DDB1: variants seen among roughly 807,000 people sequenced by gnomAD.
The protein encoded by DDB1 is DNA damage-binding protein 1.
In DDB1, 18 loss-of-function variants were observed where a neutral mutation model predicts 133.1. The ratio of observed to expected loss-of-function variants is 0.14; its 90% CI spans 0.09 to 0.20. The LOEUF is 0.20. DDB1 is among the 10% of genes least tolerant of loss of function. The pLI, the probability that DDB1 is intolerant of heterozygous loss-of-function variation, is 1.00. For missense variants in DDB1, 828 were observed against 1,459.2 expected (o/e 0.57, Z 7.05); for synonymous variants, 580 against 550.5 (o/e 1.05, Z -0.75).
At position 61,313,592 on chromosome 11, in the gene DDB1, A is replaced by G. The variant is rs1300915817; in HGVS notation, c.1976T>C (p.Ile659Thr). The change falls in exon 16 of 27, where the codon ATC becomes ACC. Residue 659 changes from isoleucine to threonine, a missense_variant. This residue lies in a region of DDB1 where 396 missense variants were observed against 554.1 expected (regional missense o/e 0.71). Coordinates refer to ENST00000301764, the MANE Select transcript of DDB1 (RefSeq NM_001923.5). ...VFACSDRPTV[I>T]YSSNHKLVFS... The stretch of plus-strand genomic sequence containing the variant: ...GACCAATTTGTGGTTGCTGCTATAG[A>G]TGACAGTGGGGCGGTCAGAACAAGC... 2 of 1,614,082 alleles carry G rather than the reference A, an allele frequency of 1.2e-6. No homozygotes were observed. The highest frequency in any genetic ancestry group is 1.3e-5 in the African/African-American group (1 of 74,924).
chr11:61,305,928 T>C (rs1326172166), intron 21 of DDB1, among the ~76,000 whole-genome samples: 1 of 152,224 alleles, frequency 6.6e-6, no homozygotes, highest in Non-Finnish European at 1.5e-5. Context: ...AACTGTAAAA[T>C]ATCTTAATAA....
At chr11:61,314,265 G>C (rs758928641) in intron 13 of DDB1, 43 bp downstream of exon 13, 2 of 1,594,326 alleles carry the variant, frequency 1.3e-6, no homozygotes, top group Admixed American at 3.5e-5. Flanking sequence ...AGAAGTCCTA[G>C]AGAAAAGAGG....
At chr11:61,323,368 C>G (rs554938363) in intron 7 of DDB1, 2 of 404,440 alleles carry the variant, frequency 4.9e-6, no homozygotes, top group African/African-American at 4.0e-5. Flanking sequence ...TAATATTAAA[C>G]TTTTTGGGAG....
intron 6 of DDB1, among the ~76,000 whole-genome samples, chr11:61,324,911 G>A (rs1856245264): frequency 6.6e-6 from 1 of 152,182 alleles, no homozygotes; most frequent in African/African-American, 2.4e-5. Flanking sequence ...CACTTTGGGA[G>A]GCTGAGGCGG....
At chr11:61,310,196 C>T (rs2134904663) in intron 19 of DDB1, 99 bp downstream of exon 19, 1 of 1,512,144 alleles carries the variant, frequency 6.6e-7, no homozygotes, top group Non-Finnish European at 8.9e-7. Context: ...CCTCCTAGGA[C>T]AGTCTGCCAC....
intron 25 of DDB1, chr11:61,301,196 T>C (rs1855787310): frequency 5.1e-6 from 2 of 393,940 alleles, no homozygotes; most frequent in East Asian, 5.7e-5. Flanking sequence ...AGCCCGTATA[T>C]GTATGGAAGT....
intron 7 of DDB1, 48 bp downstream of exon 7, chr11:61,323,931 T>G: frequency 3.1e-6 from 5 of 1,608,690 alleles, no homozygotes; most frequent in Non-Finnish European, 4.3e-6. Context: ...TTGGTGTCTT[T>G]AGGAACCTAA....
intron 26 of DDB1, among the ~76,000 whole-genome samples, 155 bp downstream of exon 26, chr11:61,300,652 CTT>C (rs527587491): frequency 6.6e-6 from 1 of 152,372 alleles, no homozygotes; most frequent in East Asian, 1.9e-4. Flanking sequence ...ACAAACATCT[CTT>C]TTCCCTCAGA....
chr11:61,317,749 G>A (rs1270573080), intron 10 of DDB1, among the ~76,000 whole-genome samples: 1 of 152,120 alleles, frequency 6.6e-6, no homozygotes, highest in African/African-American at 2.4e-5. Flanking sequence ...CTCATGATCT[G>A]CCCACTCGGT....
In DDB1 at chr11:61,310,370, C is replaced by G; in HGVS notation, c.2326G>C (p.Ala776Pro). The G allele has an allele frequency of 6.2e-7, 1 of 1,613,262 alleles. No individual in the cohort carries two copies. The highest frequency in any genetic ancestry group is 1.3e-5 in the African/African-American group (1 of 75,034). The change falls in exon 19 of 27, where the codon GCT (alanine) becomes CCT (proline). Residue 776 changes from alanine to proline, a missense_variant. Around this residue, in one of 7 missense-constraint regions of DDB1, gnomAD observed 396 missense variants for 554.1 expected, o/e 0.71. Coordinates refer to ENST00000301764, the MANE Select transcript of DDB1 (RefSeq NM_001923.5). Reference protein sequence around the residue: ...SSSKLFSSSTAPHETSFGEEV... With the variant: ...SSSKLFSSSTPPHETSFGEEV... ...TCTCCAAAGGAGGTCTCATGAGGAG[C>G]AGTGCTGCTGGAGAACAGCTTGCTG...
intron 16 of DDB1, 145 bp downstream of exon 16, chr11:61,313,354 A>G: frequency 1.4e-6 from 1 of 712,824 alleles, no homozygotes; most frequent in Non-Finnish European, 2.2e-6. Flanking sequence ...TCTATTGGGT[A>G]GCCAGTTTTG....
chr11:61,313,415 A>C, intron 16 of DDB1, 84 bp downstream of exon 16: 4 of 1,279,762 alleles, frequency 3.1e-6, no homozygotes, highest in Non-Finnish European at 4.4e-6. Context: ...GACACCGGAA[A>C]AAGGCTTTGA....
In DDB1 at chr11:61,329,204, G is replaced by C. The variant is rs769595832; in HGVS notation, c.549+159C>G. On this transcript the variant is annotated intron_variant, in intron 4 of 26. Transcript: ENST00000301764. The stretch of plus-strand genomic sequence containing the variant: ...AGTACTACTGCACTCAAGAAGCAAC[G>C]AAAGTCTGACCCATATTAATTGTGT... 9.0e-6 allele frequency: 6 copies of C among 670,244 alleles called. No homozygotes were observed. The African/African-American group carries it at 1.1e-4, about 12-fold the overall frequency. The allele number at this position is 670,244 out of a possible 1,614,324, so 41.5% of individuals were successfully genotyped here.
chr11:61,306,310 C>T (rs1855882331), intron 21 of DDB1, among the ~76,000 whole-genome samples: 1 of 152,158 alleles, frequency 6.6e-6, no homozygotes, highest in South Asian at 2.1e-4. Context: ...CTTCCACTGT[C>T]CCTCATAGCA....
chr11:61,303,848 C>T lies in DDB1; in HGVS notation c.2832+17G>A, dbSNP rs758524775. ...GCTCAAGCAAGAAGTCTGCTCGCAT[C>T]CCCCCACCAGCATCACCTCTTCAAA... On this transcript the variant is annotated intron_variant, in intron 22 of 26. Coordinates refer to ENST00000301764, the MANE Select transcript of DDB1 (RefSeq NM_001923.5). The T allele has an allele frequency of 8.1e-6, 13 of 1,612,460 alleles. No homozygotes were observed. The East Asian group carries it at 2.9e-4, about 36-fold the overall frequency.
chr11:61,321,775 C>T (rs968311968), intron 9 of DDB1, 78 bp from the exon 10 acceptor site: 9 of 1,251,472 alleles, frequency 7.2e-6, no homozygotes, highest in South Asian at 2.4e-5. Context: ...AAAGTAAACA[C>T]GGTATACCTA....
chr11:61,303,700 C>CAA (rs59840297), intron 22 of DDB1, among the ~76,000 whole-genome samples, 165 bp downstream of exon 22: 4,246 of 43,616 alleles, frequency 0.097, 659 homozygotes, highest in African/African-American at 0.27. Context: ...GACTGCGTCT[C>CAA]AAAAAAAAAA....
At chr11:61,327,277 C>T (rs1291460987) in intron 4 of DDB1, among the ~76,000 whole-genome samples, 1 of 152,110 alleles carries the variant, frequency 6.6e-6, no homozygotes, top group Admixed American at 6.5e-5. Flanking sequence ...CAAGACCAGC[C>T]TAGCCAACAC....
In DDB1 at chr11:61,302,271, C is replaced by T; in HGVS notation, c.3201G>A (p.Lys1067=). Residue 1067 remains lysine, a synonymous_variant, in exon 25 of 27, where the codon AAG becomes AAA. Coordinates refer to ENST00000301764, the MANE Select transcript of DDB1 (RefSeq NM_001923.5). ...RLNKVIKSVG[K]IEHSFWRSFH... is the part of the protein sequence containing the mutation. ...GGGAAGGATATAAGGAGTGCTCGAT[C>T]TTCCCCACACTTTTGATGACTTTAT... is the stretch of plus-strand genomic sequence containing the variant. 1 of 1,614,202 alleles carries T rather than the reference C, an allele frequency of 6.2e-7. No homozygotes were observed. The highest frequency in any genetic ancestry group is 8.5e-7 in the Non-Finnish European group (1 of 1,180,030).
Sources: gnomAD v4.1 joint callset for allele counts (sites outside exome capture counted in the v4.1 genomes callset) on GRCh38, gnomAD v4.1.1 for gene constraint, gnomAD v4.1.1 regional missense constraint, MANE v1.5 for transcripts, NCBI Gene and HGNC (gene_info 2026-07-23, HGNC 2026-07-21) for gene names.